CNTN1: variants seen among roughly 807,000 people sequenced by gnomAD.
CNTN1 encodes the protein contactin-1.
CNTN1 carries 38 observed loss-of-function variants against 126.4 expected under a neutral mutation model. The ratio of observed to expected loss-of-function variants is 0.30; its 90% confidence interval spans 0.23 to 0.39. The LOEUF is 0.39. Ranked by LOEUF, CNTN1 falls within the 10% of genes least tolerant of loss-of-function variation. The pLI is 1.00. For missense variants in CNTN1, 1,009 were observed against 1,248.4 expected, an observed-to-expected ratio of 0.81 and a Z score of 2.89; for synonymous variants, 413 against 422.6, an observed-to-expected ratio of 0.98 and a Z score of 0.28.
chr12:40,912,196 A>T (rs570461640), intron 3 of CNTN1, among the ~76,000 whole-genome samples: 4 of 148,048 alleles, frequency 2.7e-5, no homozygotes, highest in Admixed American at 6.8e-5. Flanking sequence ...ACTTCACTCA[A>T]TGTCTTTAAG....
intron 20 of CNTN1, among the ~76,000 whole-genome samples, chr12:41,020,837 G>A (rs149635049): frequency 5.7e-4 from 86 of 152,168 alleles, no homozygotes; most frequent in African/African-American, 1.8e-3. Context: ...GTTCCATTTC[G>A]AAAAGTCCCT....
At chr12:40,897,514 T>C (rs569847087) in intron 1 of CNTN1, among the ~76,000 whole-genome samples, 8 of 152,310 alleles carry the variant, frequency 5.3e-5, no homozygotes, top group Non-Finnish European at 1.0e-4. Context: ...GGGAGAATAA[T>C]TAAAGATACC....
chr12:40,939,227 T>C (rs934079949), intron 11 of CNTN1, 108 bp from the exon 12 acceptor site: 2 of 1,206,938 alleles, frequency 1.7e-6, no homozygotes, highest in Admixed American at 2.1e-5. Context: ...TTACCGAGAT[T>C]AATCCTTTCC....
chr12:40,898,207 T>C (rs1186543340), intron 1 of CNTN1, among the ~76,000 whole-genome samples: 1 of 152,178 alleles, frequency 6.6e-6, no homozygotes, highest in East Asian at 1.9e-4. Context: ...AATCTGCTGT[T>C]GAGGAGCTTG....
At chr12:40,936,998 C>G (rs1474730024) in intron 10 of CNTN1, 93 bp downstream of exon 10, 1 of 1,492,744 alleles carries the variant, frequency 6.7e-7, no homozygotes, top group African/African-American at 1.4e-5. Flanking sequence ...AGAGACAATA[C>G]AGAAAGGGCA....
At chr12:40,925,044 T>C (rs965730094) in intron 6 of CNTN1, among the ~76,000 whole-genome samples, 1 of 151,626 alleles carries the variant, frequency 6.6e-6, no homozygotes, top group Non-Finnish European at 1.5e-5. Flanking sequence ...TACTGTGAAC[T>C]GTATGTAACT....
chr12:40,819,945 G>C (rs1382216992), intron 1 of CNTN1, among the ~76,000 whole-genome samples: 1 of 152,166 alleles, frequency 6.6e-6, no homozygotes, highest in Non-Finnish European at 1.5e-5. Flanking sequence ...CAGGTTGGCT[G>C]CCGCACCACA....
intron 17 of CNTN1, among the ~76,000 whole-genome samples, chr12:41,010,342 T>C (rs1251113098): frequency 6.6e-6 from 1 of 152,206 alleles, no homozygotes; most frequent in African/African-American, 2.4e-5. Flanking sequence ...AAGGTGGTTT[T>C]TTCTTGCTGC....
At chr12:41,062,663 G>A (rs1949959768) in intron 23 of CNTN1, among the ~76,000 whole-genome samples, 1 of 152,080 alleles carries the variant, frequency 6.6e-6, no homozygotes, top group African/African-American at 2.4e-5. Context: ...TACCTCAATA[G>A]CTTCACATTG....
intron 23 of CNTN1, among the ~76,000 whole-genome samples, chr12:41,038,826 G>A (rs1185671528): frequency 1.3e-5 from 2 of 152,030 alleles, no homozygotes; most frequent in Non-Finnish European, 2.9e-5. Context: ...AAAGAGAGGT[G>A]GGAGAGAGCA....
intron 23 of CNTN1, among the ~76,000 whole-genome samples, chr12:41,044,886 T>C (rs1949507853): frequency 6.6e-6 from 1 of 152,118 alleles, no homozygotes; most frequent in Non-Finnish European, 1.5e-5. Context: ...TAAAAAGTAA[T>C]GTGTTTCTCT....
intron 1 of CNTN1, among the ~76,000 whole-genome samples, chr12:40,785,250 T>C (rs1053963050): frequency 6.6e-6 from 1 of 152,174 alleles, no homozygotes; most frequent in Non-Finnish European, 1.5e-5. Flanking sequence ...AGAGGTTTAA[T>C]TGGCCCATGG....
chr12:40,708,023 A>C (rs1941814970), intron 1 of CNTN1, among the ~76,000 whole-genome samples: 1 of 152,200 alleles, frequency 6.6e-6, no homozygotes. Context: ...CTTTTCTCAA[A>C]TAGAAATTAT....
chr12:40,735,127 C>T (rs1182295752), intron 1 of CNTN1, among the ~76,000 whole-genome samples: 3 of 151,988 alleles, frequency 2.0e-5, no homozygotes, highest in Non-Finnish European at 4.4e-5. Context: ...CCTTAAAGAC[C>T]AGAATATTTC....
chr12:41,014,152 A>G, intron 17 of CNTN1, 76 bp from the exon 18 acceptor site: 2 of 1,371,650 alleles, frequency 1.5e-6, no homozygotes, highest in East Asian at 4.8e-5. Flanking sequence ...GTGGTGAATA[A>G]GAATTCTAAC....
chr12:41,033,981 C>T (rs537651211), intron 23 of CNTN1, among the ~76,000 whole-genome samples: 26 of 151,770 alleles, frequency 1.7e-4, no homozygotes, highest in African/African-American at 5.8e-4. Context: ...ATCCAAGAGG[C>T]GGAGCTTGCA....
At chr12:40,752,880 TCTCA>T (rs1938457055) in intron 1 of CNTN1, among the ~76,000 whole-genome samples, 1 of 152,132 alleles carries the variant, frequency 6.6e-6, no homozygotes, top group East Asian at 1.9e-4. Context: ...AATGAGATTA[TCTCA>T]TTCAATCAAT....
At chr12:40,934,467 C>A (rs1158690969) in intron 9 of CNTN1, among the ~76,000 whole-genome samples, 1 of 148,832 alleles carries the variant, frequency 6.7e-6, no homozygotes, top group East Asian at 2.0e-4. Context: ...ATGGCACAAA[C>A]CTTTGATTTT....
At chr12:40,717,847 T>C (rs889447545) in intron 1 of CNTN1, among the ~76,000 whole-genome samples, 1 of 152,202 alleles carries the variant, frequency 6.6e-6, no homozygotes, top group Non-Finnish European at 1.5e-5. Flanking sequence ...CTCACAAAAC[T>C]AGGTTCATCA....
Sources: allele counts gnomAD v4.1 joint callset (sites outside exome capture counted in the v4.1 genomes callset), GRCh38; gene constraint gnomAD v4.1.1; transcripts MANE v1.5; gene names NCBI Gene and HGNC (gene_info 2026-07-23, HGNC 2026-07-21).